CCT5: variants seen among roughly 807,000 people sequenced by gnomAD.
CCT5 encodes chaperonin containing TCP1 subunit 5, also known as T-complex protein 1 subunit epsilon.
CCT5 carries 6 observed loss-of-function variants against 55.0 expected under a neutral mutation model. That is an observed-to-expected ratio of 0.11 (90% confidence interval 0.06 to 0.22). The LOEUF (loss-of-function observed/expected upper bound fraction) is 0.22. Among genes scored for constraint, CCT5 ranks in the 10% least tolerant of loss-of-function variants. The pLI is 1.00. For missense variants in CCT5, 560 were observed against 694.6 expected (o/e 0.81, Z 2.18); for synonymous variants, 231 against 243.7 (o/e 0.95, Z 0.49).
chr5:10,264,773 C>G lies in CCT5; in HGVS notation c.1616C>G (p.Ser539Cys). Residue 539 changes from serine (S) to cysteine (C), a missense_variant, in exon 11 of 11, where the codon TCT becomes TGT. By Grantham distance (112) the Ser-to-Cys change is moderately radical (BLOSUM62 -1). This residue lies in a region of CCT5 where 115 missense variants were observed against 105.0 expected (regional missense o/e 1.10). Coordinates refer to ENST00000280326, the MANE Select transcript of CCT5 (RefSeq NM_012073.5). Reference protein sequence around the residue: ...KIDDIRKPGESEE With the variant: ...KIDDIRKPGECEE ...GATGACATTCGTAAGCCTGGAGAAT[C>G]TGAAGAATGAAGACATTGAGAAAAC... The G allele has an allele frequency of 6.2e-7, 1 of 1,610,676 alleles. No individual in the cohort carries two copies. Among genetic ancestry groups the G allele is most frequent in the Non-Finnish European group, 8.5e-7 (1 of 1,176,870 alleles).
chr5:10,260,677 TTG>T, intron 6 of CCT5, 113 bp from the exon 7 acceptor site: 1 of 1,079,640 alleles, frequency 9.3e-7, no homozygotes, highest in Non-Finnish European at 1.4e-6. Flanking sequence ...TCCTTTGCTT[TTG>T]TGTTTGAGTG....
chr5:10,256,109 C>G lies in CCT5; in HGVS notation c.486C>G (p.Thr162=), dbSNP rs376585317. The G allele has an allele frequency of 1.2e-5, 19 of 1,613,722 alleles. No homozygotes were observed. Among genetic ancestry groups the G allele is most frequent in the Non-Finnish European group, 1.6e-5 (19 of 1,179,840 alleles). ...SDSVLVDIKD[T]EPLIQTAKTT... is the part of the protein sequence containing the mutation. The stretch of plus-strand genomic sequence containing the variant: ...GCGTCCTTGTTGACATAAAGGACAC[C>G]GAACCCCTGATTCAGACAGCAAAAA... The change falls in exon 4 of 11, where the codon ACC becomes ACG. Residue 162 remains threonine, a synonymous_variant. Transcript: ENST00000280326.
chr5:10,263,715 T>C (rs995069767), intron 10 of CCT5, among the ~76,000 whole-genome samples: 2 of 152,194 alleles, frequency 1.3e-5, no homozygotes, highest in African/African-American at 4.8e-5. Context: ...GTTTTCTAAA[T>C]GTAATATATA....
At chr5:10,250,265 C>G (rs1163825329), upstream of CCT5, 1 of 1,605,324 alleles carries the variant, frequency 6.2e-7, no homozygotes, top group Middle Eastern at 1.7e-4. Context: ...TTGGGCCCTC[C>G]CGAGAAAGGG....
intron 3 of CCT5, 21 bp from the exon 4 acceptor site, chr5:10,255,934 T>G (rs1745650946): frequency 1.2e-6 from 2 of 1,610,264 alleles, no homozygotes; most frequent in African/African-American, 2.7e-5. Flanking sequence ...CTGAACTGAT[T>G]GTCTGCTGGC....
intron 9 of CCT5, 36 bp from the exon 10 acceptor site, chr5:10,263,098 G>A (rs768490607): frequency 7.5e-6 from 12 of 1,597,932 alleles, no homozygotes; most frequent in Admixed American, 1.7e-5. Context: ...GTTTTGTTTC[G>A]CCAAGTGCAC....
At chr5:10,260,690 C>A in intron 6 of CCT5, 102 bp from the exon 7 acceptor site, 2 of 1,250,502 alleles carry the variant, frequency 1.6e-6, no homozygotes, top group Non-Finnish European at 1.2e-6. Flanking sequence ...TGTTTGAGTG[C>A]ACCTGCCTTA....
upstream of CCT5, chr5:10,249,960 C>T: frequency 1.4e-6 from 2 of 1,471,506 alleles, no homozygotes; most frequent in South Asian, 1.2e-5. Flanking sequence ...ACCATCTTCT[C>T]GGAGCCGGAG....
chr5:10,263,005 A>C, intron 9 of CCT5, 129 bp from the exon 10 acceptor site: 1 of 783,670 alleles, frequency 1.3e-6, no homozygotes, highest in South Asian at 1.4e-5. Context: ...TACAAAAATA[A>C]AGACAGCCTG....
At chr5:10,263,006 A>G in intron 9 of CCT5, 128 bp from the exon 10 acceptor site, 1 of 786,114 alleles carries the variant, frequency 1.3e-6, no homozygotes, top group Non-Finnish European at 2.2e-6. Flanking sequence ...ACAAAAATAA[A>G]GACAGCCTGT....
chr5:10,259,452 A>T (rs560693958), intron 6 of CCT5, among the ~76,000 whole-genome samples: 1 of 152,346 alleles, frequency 6.6e-6, no homozygotes, highest in East Asian at 1.9e-4. Context: ...ACGACATACC[A>T]GGCTCTGTTG....
At chr5:10,262,217 A>T in intron 8 of CCT5, 1 of 477,158 alleles carries the variant, frequency 2.1e-6, no homozygotes, top group South Asian at 2.1e-5. Context: ...TTTTTAGCAC[A>T]TTGTGATAAA....
chr5:10,264,179 G>T (rs566853817), intron 10 of CCT5, among the ~76,000 whole-genome samples: 1 of 152,232 alleles, frequency 6.6e-6, no homozygotes, highest in East Asian at 1.9e-4. Flanking sequence ...GGAGGCTGAG[G>T]CAGGAGAATC....
Position 10,260,768 on chromosome 5 carries a change from C to T in CCT5, c.874-24C>T, listed in dbSNP as rs370838073. On this transcript the variant is annotated intron_variant, in intron 6 of 10. Coordinates refer to ENST00000280326, the MANE Select transcript of CCT5 (RefSeq NM_012073.5). ...AATAAATACCCACTTTCTCTTAATA[C>T]GATTGTGGTGGTTCTTTTCCCAGAT... 8.6e-5 allele frequency: 138 copies of T among 1,611,434 alleles called. No individual in the cohort carries two copies. In the African/African-American group the frequency reaches 1.4e-3, roughly 16 times the overall value.
At chr5:10,262,340 AGAAAGATAAATATTATCC>A in intron 8 of CCT5, 123 bp from the exon 9 acceptor site, 1 of 929,948 alleles carries the variant, frequency 1.1e-6, no homozygotes, top group South Asian at 1.4e-5. Flanking sequence ...AAGGAAAGCT[AGAAAGATAAATATTATCC>A]GATAGTGGAG....
chr5:10,249,995 T>G (rs1431502478), upstream of CCT5: 1 of 1,539,118 alleles, frequency 6.5e-7, no homozygotes, highest in East Asian at 2.5e-5. Flanking sequence ...GAAATAGTGC[T>G]TTAAGTCAAT....
At chr5:10,257,001 A>G (rs1227923318) in intron 4 of CCT5, among the ~76,000 whole-genome samples, 2 of 152,216 alleles carry the variant, frequency 1.3e-5, no homozygotes, top group South Asian at 2.1e-4. Flanking sequence ...GTACAATGCC[A>G]AAGACTTAAG....
Position 10,263,263 on chromosome 5 carries a change from A to G in CCT5, c.1447A>G (p.Lys483Glu), listed in dbSNP as rs755193358. Reference sequence around the variant, plus strand: ...GACCGAAGTCCGAGCCAGACAGGTGAAGGAGATGAACCCTGCTCTTGGCAT... The same window carrying G: ...GACCGAAGTCCGAGCCAGACAGGTGGAGGAGATGAACCCTGCTCTTGGCAT... ...TMTEVRARQVKEMNPALGIDC... is the reference protein window; with the variant it reads ...TMTEVRARQVEEMNPALGIDC... The change falls in exon 10 of 11, where the codon AAG (lysine) becomes GAG (glutamate). Residue 483 changes from lysine (K) to glutamate (E), a missense_variant. By Grantham distance (56) the Lys-to-Glu change is moderately conservative. Around this residue, in one of 4 missense-constraint regions of CCT5, gnomAD observed 115 missense variants for 105.0 expected, o/e 1.10. Transcript: ENST00000280326. 1 of 1,614,060 alleles carries G rather than the reference A, an allele frequency of 6.2e-7. No homozygotes were observed. Among genetic ancestry groups the G allele is most frequent in the East Asian group, 2.2e-5 (1 of 44,886 alleles).
In CCT5 at chr5:10,250,310, G is replaced by T. The variant is rs778068821; in HGVS notation, c.-31G>T. 1.2e-6 allele frequency: 2 copies of T among 1,613,806 alleles called. No individual in the cohort carries two copies. The highest frequency in any genetic ancestry group is 3.3e-5 in the Admixed American group (2 of 60,014). ...CTCGCTTCCGTAGCGGTCTCCGCCGGTTGGGGGGAAGTAATTCCGGTTGTT... is the reference window on the plus strand; with the variant it reads ...CTCGCTTCCGTAGCGGTCTCCGCCGTTTGGGGGGAAGTAATTCCGGTTGTT... On this transcript the variant is annotated 5_prime_UTR_variant, in exon 1 of 11. Transcript: ENST00000280326.
Sources: gnomAD v4.1 joint callset for allele counts (sites outside exome capture counted in the v4.1 genomes callset) on GRCh38, gnomAD v4.1.1 for gene constraint, gnomAD v4.1.1 regional missense constraint, MANE v1.5 for transcripts, NCBI Gene and HGNC (gene_info 2026-07-23, HGNC 2026-07-21) for gene names.